The following TEX13A variants were observed in gnomAD, a reference collection of about 807,000 sequenced individuals.
TEX13A encodes the protein testis-expressed protein 13A.
In TEX13A, 8 loss-of-function variants were observed where a neutral mutation model predicts 7.1. The ratio of observed to expected loss-of-function variants is 1.12; its 90% confidence interval spans 0.66 to 2.03. The LOEUF is 2.03. Among genes scored for constraint, TEX13A ranks in the 30% most tolerant of loss-of-function variants. The pLI, the probability that TEX13A is intolerant of heterozygous loss-of-function variation, is 0.00. For synonymous variants in TEX13A, 151 were observed against 134.2 expected (o/e 1.13, Z -0.87); for missense variants, 362 against 332.2 (o/e 1.09, Z -0.70).
rs2033901795 is a variant in TEX13A at position 105,219,002 on chromosome X, C to T, written c.1192G>A (p.Asp398Asn). ...VNFSRRDTCF[D>N]CGKGIWLQKP... Reference sequence around the variant, plus strand: ...TGCAGCCAGATTCCCTTCCCACAGTCGAAGCAAGTATCCCTCCGTGAAAAA... The same window carrying T: ...TGCAGCCAGATTCCCTTCCCACAGTTGAAGCAAGTATCCCTCCGTGAAAAA... The change falls in exon 3 of 3, where the codon GAC becomes AAC. Residue 398 changes from aspartate to asparagine, a missense_variant. Physicochemically the swap from Asp to Asn is conservative, Grantham distance 23 (BLOSUM62 1). Coordinates refer to ENST00000600991, the MANE Select transcript of TEX13A (RefSeq NM_031274.5). The T allele has an allele frequency of 8.3e-7, 1 of 1,210,822 alleles. No individual in the cohort carries two copies. Among genetic ancestry groups the T allele is most frequent in the South Asian group, 1.8e-5 (1 of 56,824 alleles).
intron 1 of TEX13A, 49 bp from the exon 2 acceptor site, chrX:105,220,478 T>G: frequency 1.1e-6 from 1 of 890,403 alleles, no homozygotes; most frequent in Non-Finnish European, 1.5e-6. Flanking sequence ...CCTTAGCCCC[T>G]CCCCTCATCC....
At position 105,220,126 on chromosome X, in the gene TEX13A, C is replaced by T. The variant is rs782744693; in HGVS notation, c.272G>A (p.Arg91Gln). The T allele has an allele frequency of 1.2e-5, 14 of 1,211,504 alleles. No individual in the cohort carries two copies. Among genetic ancestry groups the T allele is most frequent in the Non-Finnish European group, 1.2e-5 (11 of 895,360 alleles). ...RQAQLQRHRV[R>Q]WLHGFAKLHK... ...CAGTTTGGCGAAGCCGTGCAGCCAC[C>T]GCACCCTGTGCCTTTGTAGCTGTGC... Residue 91 changes from arginine to glutamine, a missense_variant, in exon 2 of 3, where the codon CGG becomes CAG. By Grantham distance (43) the Arg-to-Gln change is conservative (BLOSUM62 1). Transcript: ENST00000600991.
Position 105,220,673 on chromosome X carries a change from C to T in TEX13A, c.-111G>A. ...CCGAAGAGAGAGGAAGATCTCTCTC[C>T]CTCCTAAGGTTCCAGGGAAAGGAAG... is the stretch of plus-strand genomic sequence containing the variant. On this transcript the variant is annotated 5_prime_UTR_variant, in exon 1 of 3. Transcript: ENST00000600991. The T allele has an allele frequency of 7.2e-6, 2 of 277,313 alleles. No homozygotes were observed. The highest frequency in any genetic ancestry group is 1.3e-5 in the Non-Finnish European group (2 of 156,201). 22.9% of individuals were successfully genotyped at this position (277,313 alleles called of 1,213,427 possible). A position where few individuals can be genotyped will look rare whatever the true frequency, so the allele number is the denominator to read the frequency against.
In TEX13A at chrX:105,219,341, A is replaced by G; in HGVS notation, c.853T>C (p.Ser285Pro). The stretch of plus-strand genomic sequence containing the variant: ...GGAAGAGGTTCTGATGAGGCTCTGG[A>G]CCAGGGGTTCGTGGTTCCAGAGAAA... ...SYFSGTTNPW[S>P]RASSEPLPVQ... is the part of the protein sequence containing the mutation. Residue 285 changes from serine (S) to proline (P), a missense_variant, in exon 3 of 3, where the codon TCC (serine) becomes CCC (proline). By Grantham distance (74) the Ser-to-Pro change is moderately conservative (BLOSUM62 -1). Coordinates refer to ENST00000600991, the MANE Select transcript of TEX13A (RefSeq NM_031274.5). The G allele has an allele frequency of 8.3e-7, 1 of 1,211,306 alleles. No individual in the cohort carries two copies. Among genetic ancestry groups the G allele is most frequent in the Non-Finnish European group, 1.1e-6 (1 of 895,312 alleles).
chrX:105,219,395 G>T lies in TEX13A; in HGVS notation c.799C>A (p.Leu267Ile). ...GATGTGGCTGTTTCGACCGACCGGA[G>T]ATCTCCCTCCTTCTGCCCCCAATAG... ...YTYWGQKEGD[L>I]RSVETATSYF... is the part of the protein sequence containing the mutation. Residue 267 changes from leucine (L) to isoleucine (I), a missense_variant, in exon 3 of 3, where the codon CTC becomes ATC. Leu to Ile is a conservative substitution (Grantham distance 5). Coordinates refer to ENST00000600991, the MANE Select transcript of TEX13A (RefSeq NM_031274.5). 1 of 1,210,965 alleles carries T rather than the reference G, an allele frequency of 8.3e-7. No individual in the cohort carries two copies. Among genetic ancestry groups the T allele is most frequent in the South Asian group, 1.8e-5 (1 of 56,885 alleles).
Position 105,219,695 on chromosome X carries a change from C to A in TEX13A, c.499G>T (p.Gly167Trp). Reference sequence around the variant, plus strand: ...TCAGCTGCTCCTTCTGTGCAAACCCCTCCGGCAGTGGCCAGGCCTGGCCAC... The same window carrying A: ...TCAGCTGCTCCTTCTGTGCAAACCCATCCGGCAGTGGCCAGGCCTGGCCAC... Reference protein sequence around the residue: ...AGWPGLATAGGVCTEGAAEEE... With the variant: ...AGWPGLATAGWVCTEGAAEEE... The change falls in exon 3 of 3, where the codon GGG becomes TGG. Residue 167 changes from glycine to tryptophan, a missense_variant. By Grantham distance (184) the Gly-to-Trp change is radical. Coordinates refer to ENST00000600991, the MANE Select transcript of TEX13A (RefSeq NM_031274.5). 1.7e-6 allele frequency: 2 copies of A among 1,209,891 alleles called. No individual in the cohort carries two copies. The highest frequency in any genetic ancestry group is 2.2e-6 in the Non-Finnish European group (2 of 895,386).
chrX:105,220,018 G>T lies in TEX13A; in HGVS notation c.380C>A (p.Ser127Tyr). The T allele has an allele frequency of 8.3e-7, 1 of 1,210,908 alleles. No individual in the cohort carries two copies. Among genetic ancestry groups the T allele is most frequent in the Non-Finnish European group, 1.1e-6 (1 of 894,936 alleles). ...GCTGGTCTGGGCCATTCTTAGCCGG[G>T]AGGCCGCCTCCTTGCGTTCCGTCTC... is the stretch of plus-strand genomic sequence containing the variant. ...QQETERKEAA[S>Y]RLRMAQTSLV... Residue 127 changes from serine to tyrosine, a missense_variant, in exon 2 of 3, where the codon TCC becomes TAC. Coordinates refer to ENST00000600991, the MANE Select transcript of TEX13A (RefSeq NM_031274.5).
In TEX13A at chrX:105,219,267, G is replaced by A. The variant is rs1556173584; in HGVS notation, c.927C>T (p.Ser309=). Residue 309 remains serine (S), a synonymous_variant, in exon 3 of 3, where the codon TCC becomes TCT. Coordinates refer to ENST00000600991, the MANE Select transcript of TEX13A (RefSeq NM_031274.5). ...SYSYSYSSPF[S]SFSDIPTISP... is the part of the protein sequence containing the mutation. ...ATATAGTGGGTATGTCTGAGAAGGA[G>A]GAAAAAGGGCTTGAGTATGAGTATG... 4 of 1,211,038 alleles carry A rather than the reference G, an allele frequency of 3.3e-6. No individual in the cohort carries two copies. The highest frequency in any genetic ancestry group is 4.5e-6 in the Non-Finnish European group (4 of 895,050).
chrX:105,219,211 A>C lies in TEX13A; in HGVS notation c.983T>G (p.Val328Gly), dbSNP rs1257998930. 8.3e-7 allele frequency: 1 copy of C among 1,208,672 alleles called. No individual in the cohort carries two copies. Among genetic ancestry groups the C allele is most frequent in the East Asian group, 3.0e-5 (1 of 33,695 alleles). ...CCAGTCGGAAGGCAGCTGAGGCGGA[A>C]CTGGTGCTGTGACTGTTGCTTGTGG... Reference protein sequence around the residue: ...SPPQATVTAPVPPQLPSDWEA... With the variant: ...SPPQATVTAPGPPQLPSDWEA... Residue 328 changes from valine to glycine, a missense_variant, in exon 3 of 3, where the codon GTT (valine) becomes GGT (glycine). By Grantham distance (109) the Val-to-Gly change is moderately radical. Coordinates refer to ENST00000600991, the MANE Select transcript of TEX13A (RefSeq NM_031274.5).
Position 105,219,351 on chromosome X carries a change from C to T in TEX13A, c.843G>A (p.Thr281=), listed in dbSNP as rs938384055. The T allele has an allele frequency of 1.4e-5, 17 of 1,209,121 alleles. No individual in the cohort carries two copies. The highest frequency in any genetic ancestry group is 1.9e-5 in the Non-Finnish European group (17 of 894,925). The stretch of plus-strand genomic sequence containing the variant: ...CTGATGAGGCTCTGGACCAGGGGTT[C>T]GTGGTTCCAGAGAAATAAGATGTGG... ...ETATSYFSGT[T]NPWSRASSEP... is the part of the protein sequence containing the mutation. The change falls in exon 3 of 3, where the codon ACG becomes ACA. Residue 281 remains threonine, a synonymous_variant. Transcript: ENST00000600991.
intron 1 of TEX13A, 80 bp from the exon 2 acceptor site, chrX:105,220,509 C>T: frequency 1.4e-6 from 1 of 711,345 alleles, no homozygotes; most frequent in South Asian, 3.3e-5. Context: ...GCCCTCTTGT[C>T]CCCGCCCTAC....
At chrX:105,220,559 T>C in intron 1 of TEX13A, 36 bp downstream of exon 1, 1 of 480,018 alleles carries the variant, frequency 2.1e-6, no homozygotes, top group East Asian at 3.7e-5. Flanking sequence ...CCTGACCGGC[T>C]TGTCCTACCC....
At position 105,219,262 on chromosome X, in the gene TEX13A, A is replaced by G. The variant is rs370810055; in HGVS notation, c.932T>C (p.Phe311Ser). 20 of 1,208,420 alleles carry G rather than the reference A, an allele frequency of 1.7e-5. No homozygotes were observed. The highest frequency in any genetic ancestry group is 2.2e-5 in the Non-Finnish European group (20 of 894,449). Residue 311 changes from phenylalanine (F) to serine (S), a missense_variant, in exon 3 of 3, where the codon TTC becomes TCC. Phe to Ser is a radical substitution (Grantham distance 155). Transcript: ENST00000600991. ...SYSYSSPFSSFSDIPTISPPQ... is the reference protein window; with the variant it reads ...SYSYSSPFSSSSDIPTISPPQ... Reference sequence around the variant, plus strand: ...AGGGGATATAGTGGGTATGTCTGAGAAGGAGGAAAAAGGGCTTGAGTATGA... The same window carrying G: ...AGGGGATATAGTGGGTATGTCTGAGGAGGAGGAAAAAGGGCTTGAGTATGA...
rs782651786 is a variant in TEX13A, at chrX:105,219,036, G to A, written c.1158C>T (p.Asn386=). ...RPGDWDCPWC[N]AVNFSRRDTC... ...TATCCCTCCGTGAAAAATTCACAGC[G>A]TTACACCAAGGGCAGTCCCAGTCCC... The change falls in exon 3 of 3, where the codon AAC becomes AAT. Residue 386 remains asparagine (N), a synonymous_variant. Coordinates refer to ENST00000600991, the MANE Select transcript of TEX13A (RefSeq NM_031274.5). 6.6e-6 allele frequency: 8 copies of A among 1,211,302 alleles called. No homozygotes were observed. The highest frequency in any genetic ancestry group is 1.8e-5 in the South Asian group (1 of 56,933).
At position 105,219,675 on chromosome X, in the gene TEX13A, T is replaced by A. The variant is rs1556177316; in HGVS notation, c.519A>T (p.Ala173=). ...ATAGGVCTEG[A]AEEEEEAAVA... is the part of the protein sequence containing the mutation. ...CCGCCGCCTCTTCTTCCTCCTCAGC[T>A]GCTCCTTCTGTGCAAACCCCTCCGG... is the stretch of plus-strand genomic sequence containing the variant. Residue 173 remains alanine (A), a synonymous_variant, in exon 3 of 3, where the codon GCA becomes GCT. Coordinates refer to ENST00000600991, the MANE Select transcript of TEX13A (RefSeq NM_031274.5). The A allele has an allele frequency of 5.0e-6, 6 of 1,210,280 alleles. No individual in the cohort carries two copies. The South Asian group carries it at 1.1e-4, about 21-fold the overall frequency.
chrX:105,220,165 A>C lies in TEX13A; in HGVS notation c.233T>G (p.Phe78Cys), dbSNP rs377159924. ...TTGTAGCTGTGCCTGCCTGTGGGCA[A>C]AGCGCACTCCCAAGGCCAGGCTGCC... ...TWGSLALGVR[F>C]AHRQAQLQRH... Residue 78 changes from phenylalanine to cysteine, a missense_variant, in exon 2 of 3, where the codon TTT becomes TGT. Coordinates refer to ENST00000600991, the MANE Select transcript of TEX13A (RefSeq NM_031274.5). 10 of 1,210,156 alleles carry C rather than the reference A, an allele frequency of 8.3e-6. No homozygotes were observed. The African/African-American group carries it at 1.7e-4, about 21-fold the overall frequency.
At chrX:105,219,920 AC>A (rs2033932226) in intron 2 of TEX13A, 42 bp downstream of exon 2, 2 of 1,138,285 alleles carry the variant, frequency 1.8e-6, no homozygotes, top group Admixed American at 2.3e-5. Context: ...CTGGGCAGGG[AC>A]CAGTTGAGGG....
At chrX:105,220,550 CT>C in intron 1 of TEX13A, 44 bp downstream of exon 1, 5 of 515,160 alleles carry the variant, frequency 9.7e-6, no homozygotes, top group East Asian at 7.3e-5. Context: ...TAATGACCCC[CT>C]GACCGGCTTG....
rs782061168 is a variant in TEX13A at position 105,220,082 on chromosome X, C to T, written c.316G>A (p.Ala106Thr). The T allele has an allele frequency of 8.3e-7, 1 of 1,211,708 alleles. No individual in the cohort carries two copies. Among genetic ancestry groups the T allele is most frequent in the Non-Finnish European group, 1.1e-6 (1 of 895,369 alleles). Residue 106 changes from alanine to threonine, a missense_variant, in exon 2 of 3, where the codon GCC (alanine) becomes ACC (threonine). Ala to Thr is a moderately conservative substitution (Grantham distance 58). Transcript: ENST00000600991. ...FAKLHKSAAQ[A>T]LASDLKKLRE... ...AGCTTCTTCAGGTCTGATGCCAAGG[C>T]CTGTGCGGCTGATTTGTGCAGTTTG... is the stretch of plus-strand genomic sequence containing the variant.
Sources: allele counts gnomAD v4.1 joint callset, GRCh38; gene constraint gnomAD v4.1.1; transcripts MANE v1.5; gene names NCBI Gene and HGNC (gene_info 2026-07-23, HGNC 2026-07-21).